Variants in SETBP1 observed in about 807,000 individuals in gnomAD.
SETBP1 encodes SET binding protein 1.
SETBP1 carries 9 observed loss-of-function variants against 101.0 expected under a neutral mutation model. The observed-to-expected ratio is 0.09, with a 90% confidence interval of 0.05 to 0.16. The LOEUF (loss-of-function observed/expected upper bound fraction) is 0.16. SETBP1 is among the 10% of genes least tolerant of loss of function. SETBP1 has a pLI of 1.00. For synonymous variants in SETBP1, 818 were observed against 788.5 expected (o/e 1.04, Z -0.63); for missense variants, 1,858 against 2,033.8 (o/e 0.91, Z 1.66).
intron 2 of SETBP1, among the ~76,000 whole-genome samples, chr18:44,742,606 A>C (rs1033555239): frequency 6.6e-6 from 1 of 152,168 alleles, no homozygotes; most frequent in African/African-American, 2.4e-5. Flanking sequence ...AAGATTTGGG[A>C]GGTTGTTACT....
In SETBP1 at chr18:44,826,822, G is replaced by A. The variant is rs566946967; in HGVS notation, c.487-42408G>A. Among the ~76,000 whole-genome samples the A allele has an allele frequency of 7.2e-5, 11 of 152,308 alleles. No individual in the cohort carries two copies. The East Asian group carries it at 2.1e-3, about 29-fold the overall frequency. On this transcript the variant is annotated intron_variant, in intron 2 of 5. Transcript: ENST00000649279. Reference sequence around the variant, plus strand: ...CAACCCCCAAACAAAGGAGGCCCCTGCAGACCAGACCAGCCTCAGCCTGGC... The same window carrying A: ...CAACCCCCAAACAAAGGAGGCCCCTACAGACCAGACCAGCCTCAGCCTGGC...
intron 5 of SETBP1, among the ~76,000 whole-genome samples, chr18:45,049,327 A>C (rs1269558692): frequency 1.3e-5 from 2 of 152,174 alleles, no homozygotes; most frequent in South Asian, 2.1e-4. Context: ...ATTTGAGATC[A>C]GAAGATGGAG....
At position 44,866,822 on chromosome 18, in the gene SETBP1, A is replaced by T. The variant is rs77286656; in HGVS notation, c.487-2408A>T. ...GTTTACTGATAAATTCAGATGGATA[A>T]ATGGTCATTATCAATTAAATACAAG... On this transcript the variant is annotated intron_variant, in intron 2 of 5. Coordinates refer to ENST00000649279, the MANE Select transcript of SETBP1 (RefSeq NM_015559.3). Among the ~76,000 whole-genome samples, 23 of 152,328 alleles carry T rather than the reference A, an allele frequency of 1.5e-4. No homozygotes were observed. In the East Asian group the frequency reaches 4.4e-3, roughly 29 times the overall value.
At chr18:44,765,280 G>T (rs1266545197) in intron 2 of SETBP1, among the ~76,000 whole-genome samples, 1 of 151,662 alleles carries the variant, frequency 6.6e-6, no homozygotes, top group Non-Finnish European at 1.5e-5. Flanking sequence ...AAGCAGATTT[G>T]GTTCCTCTTC....
At chr18:44,753,559 A>G (rs2070432557) in intron 2 of SETBP1, among the ~76,000 whole-genome samples, 1 of 152,240 alleles carries the variant, frequency 6.6e-6, no homozygotes, top group Non-Finnish European at 1.5e-5. Flanking sequence ...TCAGTCTCCC[A>G]CACCCAAGGA....
At position 44,951,279 on chromosome 18, in the gene SETBP1, A is replaced by C. The variant is rs1388243648; in HGVS notation, c.1939A>C (p.Lys647Gln). Residue 647 changes from lysine (K) to glutamine (Q), a missense_variant, in exon 4 of 6, where the codon AAA (lysine) becomes CAA (glutamine). Physicochemically the swap from Lys to Gln is moderately conservative, Grantham distance 53. Transcript: ENST00000649279. This position sits in a 1 kb window ranked among gnomAD's most constrained non-coding sequence, Gnocchi z 7.8. ...AGAGGACAAACCCATGAGCGAGATG[A>C]AATTTCACAAGAAAGTTGGAAAGCT... Reference protein sequence around the residue: ...PGEDKPMSEMKFHKKVGKLGV... With the variant: ...PGEDKPMSEMQFHKKVGKLGV... 1 of 1,613,736 alleles carries C rather than the reference A, an allele frequency of 6.2e-7. No homozygotes were observed. Among genetic ancestry groups the C allele is most frequent in the Non-Finnish European group, 8.5e-7 (1 of 1,180,038 alleles).
Position 45,063,832 on chromosome 18 carries a change from C to G in SETBP1, c.*134C>G, listed in dbSNP as rs2073932847. 9.8e-7 allele frequency: 1 copy of G among 1,020,792 alleles called. No homozygotes were observed. The allele number at this position is 1,020,792 out of a possible 1,614,324, so 63.2% of individuals were successfully genotyped here. On this transcript the variant is annotated 3_prime_UTR_variant, in exon 6 of 6. Transcript: ENST00000649279. The stretch of plus-strand genomic sequence containing the variant: ...CTCCAGAAGCCGGGCAGGCAGAATC[C>G]GGCCAGACGACGGGGCTGAGCCATC...
intron 4 of SETBP1, among the ~76,000 whole-genome samples, chr18:44,954,348 A>G (rs1000171196): frequency 6.6e-6 from 1 of 151,738 alleles, no homozygotes; most frequent in Non-Finnish European, 1.5e-5. Flanking sequence ...AAAAAAAAAA[A>G]AAAAAACAGT....
chr18:44,836,871 A>G (rs895336723), intron 2 of SETBP1, among the ~76,000 whole-genome samples: 3 of 152,076 alleles, frequency 2.0e-5, no homozygotes, highest in South Asian at 2.1e-4. Context: ...ACATCTTGTT[A>G]TATTTCTATT....
intron 5 of SETBP1, among the ~76,000 whole-genome samples, chr18:45,052,742 A>G (rs1372943050): frequency 6.6e-6 from 1 of 152,176 alleles, no homozygotes; most frequent in Non-Finnish European, 1.5e-5. Context: ...AAGATAGTTA[A>G]TTTTGTAAAT....
chr18:44,694,048 A>G (rs1236091785), intron 1 of SETBP1, among the ~76,000 whole-genome samples: 2 of 152,198 alleles, frequency 1.3e-5, no homozygotes, highest in Non-Finnish European at 2.9e-5. Context: ...GCATATTGTG[A>G]AGTTTAGCTG....
At chr18:44,724,611 G>A (rs2069668034) in intron 2 of SETBP1, among the ~76,000 whole-genome samples, 1 of 152,210 alleles carries the variant, frequency 6.6e-6, no homozygotes, top group South Asian at 2.1e-4. Context: ...TGTACCTCTT[G>A]TGGTTAAACA....
chr18:44,698,984 T>C (rs1013483567), intron 1 of SETBP1, among the ~76,000 whole-genome samples: 1 of 152,226 alleles, frequency 6.6e-6, no homozygotes, highest in African/African-American at 2.4e-5. Flanking sequence ...TAATGGAAGA[T>C]ATTTTCTTAA....
At chr18:44,712,174 G>C (rs1026162788) in intron 2 of SETBP1, among the ~76,000 whole-genome samples, 1 of 151,976 alleles carries the variant, frequency 6.6e-6, no homozygotes, top group Non-Finnish European at 1.5e-5. Flanking sequence ...GTTTATTGTG[G>C]TTCCCTCCCT....
At chr18:44,712,388 A>G (rs2069366495) in intron 2 of SETBP1, among the ~76,000 whole-genome samples, 1 of 152,216 alleles carries the variant, frequency 6.6e-6, no homozygotes, top group Non-Finnish European at 1.5e-5. Context: ...ACAGCCTTTT[A>G]TGCCAGGCCA....
chr18:45,029,987 T>C (rs1257008698), intron 4 of SETBP1, among the ~76,000 whole-genome samples: 1 of 147,966 alleles, frequency 6.8e-6, no homozygotes, highest in African/African-American at 2.5e-5. Flanking sequence ...CTTTTCCTAA[T>C]TGAATACCCT....
At chr18:45,026,928 C>T (rs1367648627) in intron 4 of SETBP1, among the ~76,000 whole-genome samples, 1 of 152,124 alleles carries the variant, frequency 6.6e-6, no homozygotes, top group Non-Finnish European at 1.5e-5. Flanking sequence ...TATATATGTG[C>T]TTCTCCCTCC....
At chr18:44,764,824 A>T (rs560770549) in intron 2 of SETBP1, among the ~76,000 whole-genome samples, 3 of 152,110 alleles carry the variant, frequency 2.0e-5, no homozygotes, top group Non-Finnish European at 4.4e-5. Flanking sequence ...AATGCATACT[A>T]CATATTTTAC....
chr18:44,882,745 G>C (rs1237443416), intron 3 of SETBP1, among the ~76,000 whole-genome samples: 4 of 152,128 alleles, frequency 2.6e-5, no homozygotes, highest in Non-Finnish European at 5.9e-5. Flanking sequence ...ATAGGTCATA[G>C]GATATCAGAT....
Sources: gnomAD v4.1 joint callset for allele counts (sites outside exome capture counted in the v4.1 genomes callset) on GRCh38, gnomAD v4.1.1 for gene constraint, Gnocchi (gnomAD v3.1) non-coding constraint, MANE v1.5 for transcripts, NCBI Gene and HGNC (gene_info 2026-07-23, HGNC 2026-07-21) for gene names.